The following CLCN1 variants were observed in gnomAD, a reference collection of about 807,000 sequenced individuals.
CLCN1 encodes the protein chloride channel protein 1.
A neutral mutation model predicts 114.5 loss-of-function variants in CLCN1; 100 were observed. That is an observed-to-expected ratio of 0.87 (90% CI 0.74 to 1.03). The LOEUF (loss-of-function observed/expected upper bound fraction) is 1.03, where lower values mean the gene tolerates loss of function less well. Ranked by LOEUF, CLCN1 falls within the 50% of genes least tolerant of loss-of-function variation. The pLI, the probability that CLCN1 is intolerant of heterozygous loss-of-function variation, is 0.00. For missense variants in CLCN1, 1,188 were observed against 1,250.0 expected (o/e 0.95, Z 0.75); for synonymous variants, 485 against 487.1 (o/e 1.00, Z 0.06).
chr7:143,349,666 A>G (rs967750653), intron 20 of CLCN1, among the ~76,000 whole-genome samples: 1 of 152,242 alleles, frequency 6.6e-6, no homozygotes, highest in African/African-American at 2.4e-5. Flanking sequence ...GCTAAGTGCC[A>G]TGAGGTCCAG....
chr7:143,323,377 G>C lies in CLCN1; in HGVS notation c.765G>C (p.Gly255=), dbSNP rs1447569469. The change falls in exon 6 of 23, where the codon GGG becomes GGC. Residue 255 remains glycine (G), a synonymous_variant. Coordinates refer to ENST00000343257, the MANE Select transcript of CLCN1 (RefSeq NM_000083.3). ...VLSKFMSVFC[G]VYEQPYYYSD... ...GCAAATTCATGTCTGTGTTCTGCGG[G>C]GTATATGAGGTAAGGTTGAGACAGT... 6.2e-7 allele frequency: 1 copy of C among 1,611,334 alleles called. No individual in the cohort carries two copies. The highest frequency in any genetic ancestry group is 1.3e-5 in the African/African-American group (1 of 74,830).
rs1266167904 is a variant in CLCN1 at position 143,351,975 on chromosome 7, A to G, written c.*10A>G. 1 of 1,612,318 alleles carries G rather than the reference A, an allele frequency of 6.2e-7. No homozygotes were observed. The highest frequency in any genetic ancestry group is 8.5e-7 in the Non-Finnish European group (1 of 1,179,984). ...TGAACTGATCCTTTGACCCCCTCCC[A>G]CGACCTCCTCATAAAGACCGTGGAG... is the stretch of plus-strand genomic sequence containing the variant. On this transcript the variant is annotated 3_prime_UTR_variant, in exon 23 of 23. Coordinates refer to ENST00000343257, the MANE Select transcript of CLCN1 (RefSeq NM_000083.3).
chr7:143,330,264 G>T (rs999712472), intron 7 of CLCN1, among the ~76,000 whole-genome samples: 1 of 152,044 alleles, frequency 6.6e-6, no homozygotes, highest in African/African-American at 2.4e-5. Context: ...TCCTTATAAG[G>T]TTGCCCCAGG....
At chr7:143,331,051 AG>A (rs1802710327) in intron 8 of CLCN1, among the ~76,000 whole-genome samples, 154 bp downstream of exon 8, 1 of 152,182 alleles carries the variant, frequency 6.6e-6, no homozygotes, top group Non-Finnish European at 1.5e-5. Flanking sequence ...ACAAAGATAT[AG>A]GTCATGGAGT....
chr7:143,322,071 A>G (rs1002324869), intron 5 of CLCN1, among the ~76,000 whole-genome samples: 1 of 152,214 alleles, frequency 6.6e-6, no homozygotes, highest in African/African-American at 2.4e-5. Context: ...CTTAGCCTGG[A>G]CACCCCTGAC....
At chr7:143,342,203 T>C (rs1348493239) in intron 15 of CLCN1, 61 bp downstream of exon 15, 9 of 1,555,300 alleles carry the variant, frequency 5.8e-6, no homozygotes, top group Non-Finnish European at 7.1e-6. Context: ...GTTCTGAGGC[T>C]GAGACTGAGC....
chr7:143,329,263 G>A (rs1354375434), intron 7 of CLCN1, among the ~76,000 whole-genome samples: 1 of 152,174 alleles, frequency 6.6e-6, no homozygotes, highest in Non-Finnish European at 1.5e-5. Flanking sequence ...ACCACGCCTG[G>A]CCTCCCAGGA....
intron 12 of CLCN1, among the ~76,000 whole-genome samples, chr7:143,333,514 A>G (rs1802786181): frequency 6.6e-6 from 1 of 152,214 alleles, no homozygotes; most frequent in Non-Finnish European, 1.5e-5. Context: ...AAAGCCTTGG[A>G]TTAATTAACC....
At position 143,342,603 on chromosome 7, in the gene CLCN1, G is replaced by C. The variant is rs923661946; in HGVS notation, c.1930+98G>C. 3.0e-5 allele frequency: 37 copies of C among 1,253,810 alleles called. No individual in the cohort carries two copies. In the East Asian group the frequency reaches 8.3e-4, roughly 28 times the overall value. 77.7% of individuals were successfully genotyped at this position (1,253,810 alleles called of 1,614,324 possible). A position where few individuals can be genotyped will look rare whatever the true frequency, so the allele number is the denominator to read the frequency against. ...CCATGGTGGGGGCTTTGTCTTTAGG[G>C]GCCATCCAATGTGCTATGTACAAGG... On this transcript the variant is annotated intron_variant, in intron 16 of 22. Coordinates refer to ENST00000343257, the MANE Select transcript of CLCN1 (RefSeq NM_000083.3).
At chr7:143,337,895 C>G (rs1439138178) in intron 12 of CLCN1, among the ~76,000 whole-genome samples, 3 of 128,562 alleles carry the variant, frequency 2.3e-5, no homozygotes, top group African/African-American at 8.5e-5. Context: ...GGCATGATCT[C>G]AGCTCACTGC....
chr7:143,336,989 T>A lies in CLCN1; in HGVS notation c.1402-2264T>A, dbSNP rs201245894. ...TTTCAAAGAGATGGTACAGGATAGTTCAGTCCAACTGTTAAATGTCAGAAT... is the reference window on the plus strand; with the variant it reads ...TTTCAAAGAGATGGTACAGGATAGTACAGTCCAACTGTTAAATGTCAGAAT... On this transcript the variant is annotated intron_variant, in intron 12 of 22. Transcript: ENST00000343257. Among the ~76,000 whole-genome samples the A allele has an allele frequency of 1.1e-4, 17 of 152,360 alleles. No homozygotes were observed. In the East Asian group the frequency reaches 2.1e-3, roughly 19 times the overall value.
chr7:143,342,069 C>A lies in CLCN1; in HGVS notation c.1723C>A (p.Pro575Thr). The A allele has an allele frequency of 6.2e-7, 1 of 1,614,166 alleles. No individual in the cohort carries two copies. The highest frequency in any genetic ancestry group is 8.5e-7 in the Non-Finnish European group (1 of 1,180,020). The change falls in exon 15 of 23, where the codon CCC becomes ACC. Residue 575 changes from proline (P) to threonine (T), a missense_variant. Pro to Thr is a conservative substitution (Grantham distance 38). Coordinates refer to ENST00000343257, the MANE Select transcript of CLCN1 (RefSeq NM_000083.3). ...CAACATGGTGGCCCAGAGCCTGCAG[C>A]CCTCTCTCTATGACAGCATCATCCA... The part of the protein sequence containing the change: ...LANMVAQSLQ[P>T]SLYDSIIQVK...
rs1186091792 is a variant in CLCN1, at chr7:143,320,732, C to T, written c.370C>T (p.Leu124=). Residue 124 remains leucine, a synonymous_variant, in exon 3 of 23, where the codon CTG becomes TTG. Coordinates refer to ENST00000343257, the MANE Select transcript of CLCN1 (RefSeq NM_000083.3). ...GGAAGACGGGATCTTTCTGGTGCTT[C>T]TGGGACTGCTGATGGCTCTGGTCAG... is the stretch of plus-strand genomic sequence containing the variant. ...LGEDGIFLVL[L]GLLMALVSWS... 1.9e-6 allele frequency: 3 copies of T among 1,613,642 alleles called. No individual in the cohort carries two copies. The highest frequency in any genetic ancestry group is 1.7e-4 in the Middle Eastern group (1 of 6,056).
chr7:143,345,711 C>T lies in CLCN1; in HGVS notation c.2121C>T (p.Ser707=), dbSNP rs1286100958. The change falls in exon 17 of 23, where the codon TCC becomes TCT. Residue 707 remains serine (S), a synonymous_variant. Transcript: ENST00000343257. ...LPGAPPGRPE[S]FAFVDEDEDE... is the part of the protein sequence containing the mutation. ...GCGCGCCTCCAGGCCGGCCCGAGTC[C>T]TTCGCCTTTGTGGATGAGGATGAGG... The T allele has an allele frequency of 1.3e-6, 2 of 1,572,760 alleles. No homozygotes were observed. The highest frequency in any genetic ancestry group is 1.7e-6 in the Non-Finnish European group (2 of 1,160,408).
At chr7:143,331,677 CTACCCAT>C in intron 10 of CLCN1, 25 bp downstream of exon 10, 6 of 1,516,020 alleles carry the variant, frequency 4.0e-6, no homozygotes, top group Non-Finnish European at 5.5e-6. Flanking sequence ...TTCTTTTGCC[CTACCCAT>C]TTACTTTCTG....
chr7:143,349,915 A>G (rs1803349834), intron 20 of CLCN1, among the ~76,000 whole-genome samples: 1 of 152,230 alleles, frequency 6.6e-6, no homozygotes, highest in Admixed American at 6.5e-5. Flanking sequence ...GTCAGGAAAT[A>G]CGTACACTGC....
chr7:143,332,981 C>A, intron 12 of CLCN1, 108 bp downstream of exon 12: 3 of 1,242,450 alleles, frequency 2.4e-6, no homozygotes, highest in African/African-American at 1.5e-5. Context: ...GGTCTTCATC[C>A]AACCTAAAAA....
intron 12 of CLCN1, among the ~76,000 whole-genome samples, chr7:143,337,189 A>G (rs973943644): frequency 6.6e-6 from 1 of 152,088 alleles, no homozygotes; most frequent in African/African-American, 2.4e-5. Context: ...CTTTGCATGA[A>G]TACTATTTGT....
chr7:143,318,382 C>G (rs1304446168), intron 1 of CLCN1, among the ~76,000 whole-genome samples: 1 of 152,120 alleles, frequency 6.6e-6, no homozygotes, highest in Non-Finnish European at 1.5e-5. Flanking sequence ...GCCACCATGC[C>G]TGGCTAATTT....
Sources: allele counts gnomAD v4.1 joint callset (sites outside exome capture counted in the v4.1 genomes callset), GRCh38; gene constraint gnomAD v4.1.1; transcripts MANE v1.5; gene names NCBI Gene and HGNC (gene_info 2026-07-23, HGNC 2026-07-21).